OTOGL: variants seen among roughly 807,000 people sequenced by gnomAD.
OTOGL encodes otogelin-like protein.
A neutral mutation model predicts 318.5 loss-of-function variants in OTOGL; 285 were observed. That is an observed-to-expected ratio of 0.89 (90% CI 0.81 to 0.99). The LOEUF (loss-of-function observed/expected upper bound fraction) is 0.99. Among genes scored for constraint, OTOGL ranks in the 50% least tolerant of loss-of-function variants. The pLI, the probability that OTOGL is intolerant of heterozygous loss-of-function variation, is 0.00. For synonymous variants in OTOGL, 987 were observed against 936.5 expected (o/e 1.05, Z -0.99); for missense variants, 2,899 against 2,845.6 (o/e 1.02, Z -0.43).
At chr12:80,202,548 C>T (rs1219228739) in intron 1 of OTOGL, among the ~76,000 whole-genome samples, 3 of 152,228 alleles carry the variant, frequency 2.0e-5, no homozygotes, top group African/African-American at 7.2e-5. Context: ...GCTGGGATTA[C>T]AGGCCTGAGC....
At chr12:80,148,086 T>G (rs1872525309) in intron 1 of OTOGL, among the ~76,000 whole-genome samples, 1 of 152,032 alleles carries the variant, frequency 6.6e-6, no homozygotes, top group African/African-American at 2.4e-5. Flanking sequence ...GTGAATTTGA[T>G]CCTGTCATGA....
chr12:80,167,213 C>T (rs552048249), intron 1 of OTOGL, among the ~76,000 whole-genome samples: 45 of 152,150 alleles, frequency 3.0e-4, no homozygotes, highest in Non-Finnish European at 5.6e-4. Flanking sequence ...CAGCAAATGG[C>T]GAACAATTCA....
At chr12:80,177,303 G>A (rs2137231013) in intron 1 of OTOGL, among the ~76,000 whole-genome samples, 1 of 152,270 alleles carries the variant, frequency 6.6e-6, no homozygotes, top group African/African-American at 2.4e-5. Context: ...TAGGTTGTAA[G>A]GGGGTGGTTG....
At chr12:80,275,902 T>C (rs1883767637) in intron 24 of OTOGL, among the ~76,000 whole-genome samples, 1 of 151,796 alleles carries the variant, frequency 6.6e-6, no homozygotes, top group African/African-American at 2.4e-5. Context: ...TATAATGCTA[T>C]TATGCATTTA....
At chr12:80,354,637 A>G (rs1346697282) in intron 46 of OTOGL, among the ~76,000 whole-genome samples, 1 of 152,162 alleles carries the variant, frequency 6.6e-6, no homozygotes, top group Non-Finnish European at 1.5e-5. Flanking sequence ...GGCAAGGAGA[A>G]GTGAAATGCA....
At chr12:80,241,012 A>G (rs968175378) in intron 11 of OTOGL, among the ~76,000 whole-genome samples, 2 of 152,122 alleles carry the variant, frequency 1.3e-5, no homozygotes, top group Non-Finnish European at 2.9e-5. Flanking sequence ...AAGAAGTATA[A>G]GTGATACATA....
rs756625832 is a variant in OTOGL, at chr12:80,222,232, G to A, written c.476G>A (p.Arg159Gln). ...FAKDCGDLEP[R>Q]YTVWVHNSPK... The stretch of plus-strand genomic sequence containing the variant: ...AAGGACTGTGGTGATTTGGAGCCTC[G>A]GTACACTGTATGGGTAGGTGATTGT... The change falls in exon 7 of 59, where the codon CGG becomes CAG. Residue 159 changes from arginine to glutamine, a missense_variant. Physicochemically the swap from Arg to Gln is conservative, Grantham distance 43 (BLOSUM62 1). This residue lies in a region of OTOGL where 2,607 missense variants were observed against 2,524.9 expected (regional missense o/e 1.03). Transcript: ENST00000547103. The A allele has an allele frequency of 5.6e-5, 89 of 1,595,462 alleles. No individual in the cohort carries two copies. The highest frequency in any genetic ancestry group is 1.3e-4 in the South Asian group (12 of 90,858).
intron 1 of OTOGL, chr12:80,131,768 A>G (rs1280060505): frequency 6.6e-6 from 1 of 152,222 alleles, no homozygotes; most frequent in Non-Finnish European, 1.5e-5. Context: ...ATCATTCAAG[A>G]TAGATCTTAT....
intron 1 of OTOGL, among the ~76,000 whole-genome samples, chr12:80,208,659 G>T (rs187084333): frequency 2.5e-4 from 38 of 152,324 alleles, no homozygotes; most frequent in Admixed American, 2.4e-3. Flanking sequence ...GAAGTAATAA[G>T]TCTGTTGTTT....
In OTOGL at chr12:80,137,239, T is replaced by A. The variant is rs1484111464; in HGVS notation, c.-20+37634T>A. On this transcript the variant is annotated intron_variant, in intron 1 of 58. Coordinates refer to ENST00000547103, the MANE Select transcript of OTOGL (RefSeq NM_001378609.3). ...AATGCCAGTGGTTACTATAATTTCA[T>A]GTTATATAATAGTATCTCGGTAGCA... is the stretch of plus-strand genomic sequence containing the variant. Among the ~76,000 whole-genome samples, 4 of 152,148 alleles carry A rather than the reference T, an allele frequency of 2.6e-5. No individual in the cohort carries two copies. The East Asian group carries it at 7.7e-4, about 29-fold the overall frequency.
intron 4 of OTOGL, among the ~76,000 whole-genome samples, chr12:80,217,361 G>A (rs1234830136): frequency 6.6e-6 from 1 of 152,128 alleles, no homozygotes; most frequent in Non-Finnish European, 1.5e-5. Context: ...AGTAAATATA[G>A]ACTTGTCAAA....
chr12:80,271,899 ATTG>A, intron 24 of OTOGL, 89 bp downstream of exon 24: 4 of 1,434,234 alleles, frequency 2.8e-6, no homozygotes, highest in Non-Finnish European at 3.8e-6. Context: ...AATAGCCAGA[ATTG>A]TTGTTCTGAC....
At chr12:80,119,781 G>A (rs1870380333) in intron 1 of OTOGL, among the ~76,000 whole-genome samples, 1 of 152,054 alleles carries the variant, frequency 6.6e-6, no homozygotes, top group African/African-American at 2.4e-5. Context: ...TACATGGTAG[G>A]TATTCATTAA....
At chr12:80,201,063 G>T (rs115342212) in intron 1 of OTOGL, among the ~76,000 whole-genome samples, 2,386 of 152,206 alleles carry the variant, frequency 0.016, 74 homozygotes, top group African/African-American at 0.054. Flanking sequence ...ACAACCCTGT[G>T]GCACCTCCCA....
chr12:80,225,272 C>T (rs1167437022), intron 7 of OTOGL, among the ~76,000 whole-genome samples: 1 of 151,796 alleles, frequency 6.6e-6, no homozygotes, highest in Non-Finnish European at 1.5e-5. Context: ...ACTTGAATAC[C>T]CTTTGACCTT....
At chr12:80,307,032 G>T (rs1455550455) in intron 29 of OTOGL, among the ~76,000 whole-genome samples, 1 of 149,020 alleles carries the variant, frequency 6.7e-6, no homozygotes, top group Non-Finnish European at 1.5e-5. Context: ...CTGCCTTCAA[G>T]CATCTGTTTA....
chr12:80,257,268 CAAAT>C (rs1882136872), intron 17 of OTOGL, among the ~76,000 whole-genome samples: 3 of 149,308 alleles, frequency 2.0e-5, no homozygotes, highest in South Asian at 4.3e-4. Context: ...ACGGTTCAAC[CAAAT>C]AAATGGTGAG....
At chr12:80,118,956 A>G (rs560115193) in intron 1 of OTOGL, among the ~76,000 whole-genome samples, 3 of 152,046 alleles carry the variant, frequency 2.0e-5, no homozygotes, top group African/African-American at 7.2e-5. Flanking sequence ...CAAAGGAAAT[A>G]GGATTTTATT....
intron 26 of OTOGL, among the ~76,000 whole-genome samples, chr12:80,286,411 T>C (rs1230961822): frequency 6.6e-6 from 1 of 152,226 alleles, no homozygotes; most frequent in Non-Finnish European, 1.5e-5. Flanking sequence ...GAGTAGTCCC[T>C]CTTCTTCTGT....
Sources: gnomAD v4.1 joint callset for allele counts (sites outside exome capture counted in the v4.1 genomes callset) on GRCh38, gnomAD v4.1.1 for gene constraint, gnomAD v4.1.1 regional missense constraint, MANE v1.5 for transcripts, NCBI Gene and HGNC (gene_info 2026-07-23, HGNC 2026-07-21) for gene names.